The following CRIPT variants were observed in gnomAD, a reference collection of about 807,000 sequenced individuals.
CRIPT encodes CXXC repeat containing interactor of PDZ3 domain, also known as cysteine-rich PDZ-binding protein.
A neutral mutation model predicts 16.6 loss-of-function variants in CRIPT; 20 were observed. The ratio of observed to expected loss-of-function variants is 1.20; its 90% CI spans 0.85 to 1.75. CRIPT has a LOEUF of 1.75. Ranked by LOEUF, CRIPT falls within the 40% of genes most tolerant of loss-of-function variation. The pLI is 0.00. For missense variants in CRIPT, 133 were observed against 115.3 expected (o/e 1.15, Z -0.70); for synonymous variants, 42 against 37.0 (o/e 1.14, Z -0.49).
At chr2:46,622,379 A>T (rs1293865980) in intron 3 of CRIPT, among the ~76,000 whole-genome samples, 3 of 152,052 alleles carry the variant, frequency 2.0e-5, no homozygotes, top group African/African-American at 7.2e-5. Flanking sequence ...CAAAAAAAAA[A>T]AAAAAAGATT....
chr2:46,623,456 A>C (rs1015210711), intron 3 of CRIPT, among the ~76,000 whole-genome samples: 5 of 152,234 alleles, frequency 3.3e-5, no homozygotes, highest in African/African-American at 1.2e-4. Flanking sequence ...TTTTGCACCC[A>C]CATTTCATCA....
chr2:46,626,032 A>C lies in CRIPT; in HGVS notation c.*1805A>C, dbSNP rs1480346428. On this transcript the variant is annotated 3_prime_UTR_variant, in exon 5 of 5. Transcript: ENST00000238892. ...TTGTGATGCTGAGGTTTGGGGTACA[A>C]ATGATCCTGTCACCCAGGTAGTGAG... Among the ~76,000 whole-genome samples the C allele has an allele frequency of 6.6e-6, 1 of 152,080 alleles. No homozygotes were observed. The highest frequency in any genetic ancestry group is 1.5e-5 in the Non-Finnish European group (1 of 68,008).
chr2:46,617,453 T>C (rs1670690649), intron 1 of CRIPT, among the ~76,000 whole-genome samples, 155 bp downstream of exon 1: 2 of 152,066 alleles, frequency 1.3e-5, no homozygotes, highest in East Asian at 1.9e-4. Context: ...TTTTTGCACC[T>C]CCCAACGACC....
rs199510556 is a variant in CRIPT at position 46,619,721 on chromosome 2, T to C, written c.137+40T>C. On this transcript the variant is annotated intron_variant, in intron 3 of 4. Coordinates refer to ENST00000238892, the MANE Select transcript of CRIPT (RefSeq NM_014171.6). ...CCATCGATGGGTCACATAAATTTCC[T>C]TCTTTTAGTATTAAGTCTGCTGGAG... 47 of 1,490,750 alleles carry C rather than the reference T, an allele frequency of 3.2e-5. 1 individual carries two copies. The East Asian group carries it at 9.6e-4, about 30-fold the overall frequency. The allele number at this position is 1,490,750 out of a possible 1,614,324, so 92.3% of individuals were successfully genotyped here.
intron 1 of CRIPT, 129 bp downstream of exon 1, chr2:46,617,427 C>T: frequency 1.8e-6 from 2 of 1,082,934 alleles, no homozygotes; most frequent in Non-Finnish European, 2.6e-6. Context: ...TGTCTTTCTA[C>T]CCTACCCTTT....
rs1670920814 is a variant in CRIPT, at chr2:46,625,643, C to T, written c.*1416C>T. On this transcript the variant is annotated 3_prime_UTR_variant, in exon 5 of 5. Coordinates refer to ENST00000238892, the MANE Select transcript of CRIPT (RefSeq NM_014171.6). ...CATTTAAAGTTTTAACTTTATAAGG[C>T]TTTTCAAAATGTGTTTTTCTGAGAT... 1 of 151,932 alleles carries T rather than the reference C, an allele frequency of 6.6e-6. No individual in the cohort carries two copies. Among genetic ancestry groups the T allele is most frequent in the African/African-American group, 2.4e-5 (1 of 41,350 alleles). The allele number at this position is 151,932 out of a possible 1,614,324, so 9.4% of individuals were successfully genotyped here.
Position 46,624,858 on chromosome 2 carries a change from T to A in CRIPT, c.*631T>A, listed in dbSNP as rs1670895434. The A allele has an allele frequency of 6.6e-6, 1 of 152,156 alleles. No homozygotes were observed. 9.4% of individuals were successfully genotyped at this position (152,156 alleles called of 1,614,324 possible). ...CATATGGCCAAATAAATACACTGAA[T>A]TTTAGAAAAACATATTACTTTGAAT... is the stretch of plus-strand genomic sequence containing the variant. On this transcript the variant is annotated 3_prime_UTR_variant, in exon 5 of 5. Transcript: ENST00000238892.
intron 1 of CRIPT, 137 bp downstream of exon 1, chr2:46,617,435 T>G: frequency 1.1e-6 from 1 of 949,760 alleles, no homozygotes; most frequent in Middle Eastern, 3.1e-4. Context: ...TACCCTACCC[T>G]TTGACCATTT....
rs1671022294 is a variant in CRIPT, at chr2:46,629,588, C to G, written c.*5361C>G. 1.3e-5 allele frequency among the ~76,000 whole-genome samples: 2 copies of G among 151,924 alleles called. No individual in the cohort carries two copies. Among genetic ancestry groups the G allele is most frequent in the South Asian group, 4.1e-4 (2 of 4,824 alleles). ...ACAGGACAGCTAAAGGATAGAGTAT[C>G]CTTCTATTTGGGTTTTTCTGATGTT... is the stretch of plus-strand genomic sequence containing the variant. On this transcript the variant is annotated 3_prime_UTR_variant, in exon 5 of 5. Transcript: ENST00000238892.
intron 1 of CRIPT, 22 bp from the exon 2 acceptor site, chr2:46,618,751 T>A: frequency 6.6e-7 from 1 of 1,521,034 alleles, no homozygotes; most frequent in Non-Finnish European, 9.0e-7. Context: ...TTAATTTTCC[T>A]TTTACTATCT....
intron 1 of CRIPT, 56 bp downstream of exon 1, chr2:46,617,354 T>C (rs1311878579): frequency 6.5e-7 from 1 of 1,537,064 alleles, no homozygotes; most frequent in Non-Finnish European, 8.8e-7. Flanking sequence ...CTAACTGAGC[T>C]CTCCCGGGAA....
In CRIPT at chr2:46,624,185, A is replaced by G; in HGVS notation, c.264A>G (p.Lys88=). 6.3e-7 allele frequency: 1 copy of G among 1,582,768 alleles called. No homozygotes were observed. Among genetic ancestry groups the G allele is most frequent in the South Asian group, 1.2e-5 (1 of 86,542 alleles). Residue 88 remains lysine, a synonymous_variant, in exon 5 of 5, where the codon AAA becomes AAG. Transcript: ENST00000238892. ...YKKGICAMCG[K]KVLDTKNYKQ... ...CAGGCATCTGTGCGATGTGTGGAAA[A>G]AAGGTTTTGGATACCAAAAACTACA... is the stretch of plus-strand genomic sequence containing the variant.
chr2:46,624,962 C>G lies in CRIPT; in HGVS notation c.*735C>G, dbSNP rs1175338032. Reference sequence around the variant, plus strand: ...ATAAATCCCTGCTCTGAGAAAAGCTCTTTGAAGCAAAAACCAAACTTTTTT... The same window carrying G: ...ATAAATCCCTGCTCTGAGAAAAGCTGTTTGAAGCAAAAACCAAACTTTTTT... On this transcript the variant is annotated 3_prime_UTR_variant, in exon 5 of 5. Transcript: ENST00000238892. 7.0e-6 allele frequency: 1 copy of G among 143,684 alleles called. No individual in the cohort carries two copies. The highest frequency in any genetic ancestry group is 1.5e-5 in the Non-Finnish European group (1 of 66,954). 8.9% of individuals were successfully genotyped at this position (143,684 alleles called of 1,614,324 possible). A position where few individuals can be genotyped will look rare whatever the true frequency, so the allele number is the denominator to read the frequency against.
chr2:46,622,546 G>A (rs533367020), intron 3 of CRIPT, among the ~76,000 whole-genome samples: 3 of 152,182 alleles, frequency 2.0e-5, no homozygotes, highest in Non-Finnish European at 4.4e-5. Context: ...GGGCGCAGTG[G>A]TTCACGCCTG....
chr2:46,620,169 C>T (rs1162863222), intron 3 of CRIPT, among the ~76,000 whole-genome samples: 1 of 152,180 alleles, frequency 6.6e-6, no homozygotes, highest in East Asian at 1.9e-4. Flanking sequence ...AAAAATTCGG[C>T]TGGGTAAGGT....
rs777746310 is a variant in CRIPT, at chr2:46,625,258, A to T, written c.*1031A>T. ...CAGCTAGTTTTTATTTTTAGTAGAG[A>T]TGAGGACTCACTATGTTGCCCAAGC... On this transcript the variant is annotated 3_prime_UTR_variant, in exon 5 of 5. Coordinates refer to ENST00000238892, the MANE Select transcript of CRIPT (RefSeq NM_014171.6). 4 of 151,190 alleles carry T rather than the reference A, an allele frequency of 2.6e-5. No individual in the cohort carries two copies. Among genetic ancestry groups the T allele is most frequent in the African/African-American group, 7.3e-5 (3 of 41,140 alleles). 9.4% of individuals were successfully genotyped at this position (151,190 alleles called of 1,614,324 possible).
intron 3 of CRIPT, among the ~76,000 whole-genome samples, chr2:46,620,966 G>C (rs1670787035): frequency 6.6e-6 from 1 of 151,820 alleles, no homozygotes; most frequent in Non-Finnish European, 1.5e-5. Context: ...CCATCAGCAA[G>C]TTCTTTGGAT....
At chr2:46,621,651 G>C (rs947474726) in intron 3 of CRIPT, among the ~76,000 whole-genome samples, 2 of 152,098 alleles carry the variant, frequency 1.3e-5, no homozygotes, top group African/African-American at 4.8e-5. Flanking sequence ...TTGGTATTTA[G>C]AACAGTAAAT....
chr2:46,622,195 C>T (rs1285325452), intron 3 of CRIPT, among the ~76,000 whole-genome samples: 3 of 151,728 alleles, frequency 2.0e-5, no homozygotes, highest in Admixed American at 6.6e-5. Flanking sequence ...TGGTGAAACC[C>T]TGTCTCTACT....
Sources: allele counts gnomAD v4.1 joint callset (sites outside exome capture counted in the v4.1 genomes callset), GRCh38; gene constraint gnomAD v4.1.1; transcripts MANE v1.5; gene names NCBI Gene and HGNC (gene_info 2026-07-23, HGNC 2026-07-21).